The following TRAM1 variants were observed in gnomAD, a reference collection of about 807,000 sequenced individuals.
TRAM1 encodes translocation associated membrane protein 1.
TRAM1 carries 17 observed loss-of-function variants against 48.7 expected under a neutral mutation model. That is an observed-to-expected ratio of 0.35 (90% CI 0.24 to 0.52). The LOEUF is 0.52. Among genes scored for constraint, TRAM1 ranks in the 20% least tolerant of loss-of-function variants. The probability of loss-of-function intolerance (pLI) is 0.94; values close to 1 mark genes in which losing one functional copy is unlikely to be tolerated. For missense variants in TRAM1, 351 were observed against 441.5 expected, an observed-to-expected ratio of 0.79 and a Z score of 1.84; for synonymous variants, 182 against 154.0, an observed-to-expected ratio of 1.18 and a Z score of -1.34.
chr8:70,591,043 G>A (rs868436925), intron 6 of TRAM1, among the ~76,000 whole-genome samples: 3 of 151,878 alleles, frequency 2.0e-5, no homozygotes, highest in Non-Finnish European at 2.9e-5. Context: ...TACCACAAGG[G>A]GTGGTAGGAA....
chr8:70,606,510 T>C (rs1817722792), intron 1 of TRAM1, among the ~76,000 whole-genome samples: 2 of 152,216 alleles, frequency 1.3e-5, no homozygotes, highest in Admixed American at 1.3e-4. Flanking sequence ...AGCACTGTAT[T>C]TACCTTCACA....
intron 10 of TRAM1, among the ~76,000 whole-genome samples, chr8:70,576,919 G>A (rs1407970496): frequency 6.6e-6 from 1 of 152,204 alleles, no homozygotes. Context: ...GCTGCTCCTG[G>A]CGTCTGCTAG....
rs1462936577 is a variant in TRAM1 at position 70,596,244 on chromosome 8, G to T, written c.485+19C>A. 1 of 1,557,684 alleles carries T rather than the reference G, an allele frequency of 6.4e-7. No individual in the cohort carries two copies. Among genetic ancestry groups the T allele is most frequent in the South Asian group, 1.2e-5 (1 of 80,866 alleles). ...GACCATGGTCCTTAACAAAGAAAGG[G>T]CTGCTAAAAATGACTTACGTCATCA... On this transcript the variant is annotated intron_variant, in intron 5 of 10. Transcript: ENST00000262213.
In TRAM1 at chr8:70,601,244, A is replaced by G. The variant is rs533610695; in HGVS notation, c.124-1162T>C. Among the ~76,000 whole-genome samples, 62 of 152,174 alleles carry G rather than the reference A, an allele frequency of 4.1e-4. 1 individual carries two copies. In the South Asian group the frequency reaches 0.013, roughly 32 times the overall value. On this transcript the variant is annotated intron_variant, in intron 1 of 10. Coordinates refer to ENST00000262213, the MANE Select transcript of TRAM1 (RefSeq NM_014294.6). ...TTCACTAGATTCCCATCTTTCTAGG[A>G]GAATGTGACCATAGGACTCTATGGT...
chr8:70,583,897 C>T, intron 8 of TRAM1, 104 bp from the exon 9 acceptor site: 1 of 1,334,040 alleles, frequency 7.5e-7, no homozygotes, highest in Middle Eastern at 2.1e-4. Context: ...CCTGTAATCC[C>T]AGCTACTTGG....
At chr8:70,583,410 TA>T in intron 9 of TRAM1, 86 bp from the exon 10 acceptor site, 2 of 1,424,742 alleles carry the variant, frequency 1.4e-6, no homozygotes, top group Non-Finnish European at 1.9e-6. Context: ...TATTTAGTAA[TA>T]ATTCCCACTC....
In TRAM1 at chr8:70,574,944, C is replaced by A. The variant is rs1466619053; in HGVS notation, c.1113G>T (p.Glu371Asp). 6.2e-7 allele frequency: 1 copy of A among 1,606,608 alleles called. No homozygotes were observed. ...AGTTTATAATTCATTATGAAGATTT[C>A]TCTTTTTTATTCCGGGGAGAGTCTG... is the stretch of plus-strand genomic sequence containing the variant. The part of the protein sequence containing the change: ...NVADSPRNKK[E>D]KSS The change falls in exon 11 of 11, where the codon GAG becomes GAT. Residue 371 changes from glutamate (E) to aspartate (D), a missense_variant. Glu to Asp is a conservative substitution (Grantham distance 45). Transcript: ENST00000262213.
At chr8:70,583,611 T>G (rs758215829) in intron 9 of TRAM1, 39 bp downstream of exon 9, 1 of 1,594,180 alleles carries the variant, frequency 6.3e-7, no homozygotes, top group South Asian at 1.1e-5. Context: ...ATATATTATC[T>G]AGCTGTATAA....
At chr8:70,597,188 C>T (rs1345639474) in intron 4 of TRAM1, among the ~76,000 whole-genome samples, 4 of 152,096 alleles carry the variant, frequency 2.6e-5, no homozygotes, top group Admixed American at 1.3e-4. Context: ...GCAAATACTG[C>T]CTTTCTTTTT....
chr8:70,579,116 G>A (rs1409312323), intron 10 of TRAM1, among the ~76,000 whole-genome samples: 2 of 152,178 alleles, frequency 1.3e-5, no homozygotes, highest in East Asian at 3.8e-4. Flanking sequence ...AACAGGCTAT[G>A]TTTTAAGAAA....
intron 10 of TRAM1, 91 bp from the exon 11 acceptor site, chr8:70,575,096 T>C (rs1246277668): frequency 8.6e-6 from 8 of 935,074 alleles, no homozygotes; most frequent in East Asian, 5.5e-5. Context: ...GAAAAGAAAA[T>C]GTAAAATCCA....
chr8:70,597,578 G>C (rs976864764), intron 4 of TRAM1, among the ~76,000 whole-genome samples: 7 of 143,586 alleles, frequency 4.9e-5, no homozygotes, highest in Non-Finnish European at 1.0e-4. Context: ...GCTGAGGCAG[G>C]AGAATCGCTT....
chr8:70,607,854 C>T, intron 1 of TRAM1: 1 of 415,778 alleles, frequency 2.4e-6, no homozygotes, highest in Non-Finnish European at 4.0e-6. Context: ...CTGCGGGCCG[C>T]GATGAGGCCC....
intron 2 of TRAM1, 38 bp from the exon 3 acceptor site, chr8:70,598,293 C>T (rs1817534396): frequency 1.3e-6 from 2 of 1,561,994 alleles, no homozygotes; most frequent in Admixed American, 3.7e-5. Context: ...CAAAAATATA[C>T]ACAAGGTTAT....
chr8:70,603,305 C>T (rs10098759), intron 1 of TRAM1, among the ~76,000 whole-genome samples: 1,298 of 7,618 alleles, frequency 0.17, 7 homozygotes, highest in African/African-American at 0.25. Context: ...ATGTTTTATA[C>T]ACACACACAC....
At position 70,574,770 on chromosome 8, in the gene TRAM1, A is replaced by G. The variant is rs1816908968; in HGVS notation, c.*162T>C. 1 of 571,016 alleles carries G rather than the reference A, an allele frequency of 1.8e-6. No individual in the cohort carries two copies. Among genetic ancestry groups the G allele is most frequent in the Non-Finnish European group, 3.0e-6 (1 of 330,160 alleles). The allele number at this position is 571,016 out of a possible 1,614,324, so 35.4% of individuals were successfully genotyped here. On this transcript the variant is annotated 3_prime_UTR_variant, in exon 11 of 11. Coordinates refer to ENST00000262213, the MANE Select transcript of TRAM1 (RefSeq NM_014294.6). Reference sequence around the variant, plus strand: ...AATATTTTTTTCATTCATAGCAATAATCCTCCCCTCAAATGCCCTTTAAAA... The same window carrying G: ...AATATTTTTTTCATTCATAGCAATAGTCCTCCCCTCAAATGCCCTTTAAAA...
At chr8:70,588,387 T>A (rs560354713) in intron 6 of TRAM1, among the ~76,000 whole-genome samples, 3 of 151,830 alleles carry the variant, frequency 2.0e-5, no homozygotes, top group Non-Finnish European at 4.4e-5. Context: ...GGCGTTTGAG[T>A]CTAGCCTGGG....
At chr8:70,591,145 A>G (rs1426814120) in intron 6 of TRAM1, among the ~76,000 whole-genome samples, 1 of 152,054 alleles carries the variant, frequency 6.6e-6, no homozygotes, top group Admixed American at 6.5e-5. Flanking sequence ...CATGAGTTTT[A>G]TTTTATTTTT....
rs1225667231 is a variant in TRAM1 at position 70,608,388 on chromosome 8, A to C, written c.-189T>G. ...CCGCCCGGGGGAAAAAAAAAAACAC[A>C]ACAGCTAGCCCGCAGCGGGGGCGAG... On this transcript the variant is annotated 5_prime_UTR_variant, in exon 1 of 11. Transcript: ENST00000262213. The C allele has an allele frequency of 5.2e-5, 26 of 501,750 alleles. No individual in the cohort carries two copies. The highest frequency in any genetic ancestry group is 6.0e-4 in the Middle Eastern group (1 of 1,668). The allele number at this position is 501,750 out of a possible 1,614,324, so 31.1% of individuals were successfully genotyped here. A position where few individuals can be genotyped will look rare whatever the true frequency, so the allele number is the denominator to read the frequency against.
Sources: allele counts gnomAD v4.1 joint callset (sites outside exome capture counted in the v4.1 genomes callset), GRCh38; gene constraint gnomAD v4.1.1; transcripts MANE v1.5; gene names NCBI Gene and HGNC (gene_info 2026-07-23, HGNC 2026-07-21).